The following GRB10 variants were observed in gnomAD, a reference collection of about 807,000 sequenced individuals.
GRB10 encodes the protein growth factor receptor bound protein 10.
Under a neutral mutation model 80.9 loss-of-function variants are expected in GRB10, and 20 were observed. That is an observed-to-expected ratio of 0.25 (90% CI 0.17 to 0.36). The LOEUF (loss-of-function observed/expected upper bound fraction) is 0.36. Ranked by LOEUF, GRB10 falls within the 10% of genes least tolerant of loss-of-function variation. The pLI, the probability that GRB10 is intolerant of heterozygous loss-of-function variation, is 1.00. For synonymous variants in GRB10, 291 were observed against 291.5 expected (o/e 1.00, Z 0.02); for missense variants, 548 against 747.7 (o/e 0.73, Z 3.12).
chr7:50,637,196 C>T (rs773478348), intron 7 of GRB10, among the ~76,000 whole-genome samples: 4 of 152,094 alleles, frequency 2.6e-5, no homozygotes, highest in Non-Finnish European at 4.4e-5. Context: ...AGGCTGGTCT[C>T]GAACTCCTGG....
At chr7:50,671,972 T>C (rs945753536) in intron 6 of GRB10, among the ~76,000 whole-genome samples, 1 of 152,214 alleles carries the variant, frequency 6.6e-6, no homozygotes, top group Non-Finnish European at 1.5e-5. Flanking sequence ...TGGCAGGAAC[T>C]GCAGAGCTGA....
chr7:50,612,650 A>G (rs2049774701), intron 13 of GRB10, 91 bp downstream of exon 13: 1 of 813,458 alleles, frequency 1.2e-6, no homozygotes, highest in Non-Finnish European at 2.1e-6. Context: ...AAAAGTTACG[A>G]GCATTTTCCT....
At chr7:50,656,313 T>C (rs949457404) in intron 7 of GRB10, among the ~76,000 whole-genome samples, 4 of 152,162 alleles carry the variant, frequency 2.6e-5, no homozygotes, top group African/African-American at 4.8e-5. Flanking sequence ...TCCTGTGGAC[T>C]TGAGACCATG....
At chr7:50,769,829 C>A (rs2076790709) in intron 2 of GRB10, among the ~76,000 whole-genome samples, 1 of 152,144 alleles carries the variant, frequency 6.6e-6, no homozygotes, top group Admixed American at 6.5e-5. Context: ...CCTTCTTATT[C>A]TCCCGTTGCT....
chr7:50,612,815 T>C lies in GRB10; in HGVS notation c.1120A>G (p.Lys374Glu), dbSNP rs764605949. Residue 374 changes from lysine to glutamate, a missense_variant, in exon 13 of 19, where the codon AAA becomes GAA. Physicochemically the swap from Lys to Glu is moderately conservative, Grantham distance 56. Transcript: ENST00000401949. ...IKPNKVRNET[K>E]ELRLLCAEDE... ...TCTGCACAGAGCAACCTCAGCTCTT[T>C]AGTTTCATTCCTGACTTTGTTTGGC... The C allele has an allele frequency of 1.9e-6, 3 of 1,614,016 alleles. No individual in the cohort carries two copies. Among genetic ancestry groups the C allele is most frequent in the South Asian group, 2.2e-5 (2 of 91,056 alleles).
Position 50,604,437 on chromosome 7 carries a change from A to G in GRB10, c.1390-60T>C, listed in dbSNP as rs41298764. The G allele has an allele frequency of 1.4e-3, 1,907 of 1,406,748 alleles. 1 individual carries two copies. The highest frequency in any genetic ancestry group is 1.7e-3 in the Non-Finnish European group (1,667 of 992,608). The allele number at this position is 1,406,748 out of a possible 1,614,324, so 87.1% of individuals were successfully genotyped here. A position where few individuals can be genotyped will look rare whatever the true frequency, so the allele number is the denominator to read the frequency against. On this transcript the variant is annotated intron_variant, in intron 15 of 18. Transcript: ENST00000401949. ...GCAGACAGACACACCAAGTCACCCA[A>G]TATGTCCAAGCTCATGGCAGGCCAC... is the stretch of plus-strand genomic sequence containing the variant.
chr7:50,633,198 T>C (rs970909030), intron 7 of GRB10, among the ~76,000 whole-genome samples: 1 of 152,188 alleles, frequency 6.6e-6, no homozygotes, highest in African/African-American at 2.4e-5. Context: ...CACCTCCCCA[T>C]TTCTCTGTAG....
At chr7:50,664,563 C>G (rs1030142199) in intron 7 of GRB10, among the ~76,000 whole-genome samples, 2 of 152,206 alleles carry the variant, frequency 1.3e-5, no homozygotes, top group Non-Finnish European at 2.9e-5. Context: ...TTCTGTGGTG[C>G]CCCTCCCTCC....
At chr7:50,596,849 AAATTAG>A in intron 17 of GRB10, among the ~76,000 whole-genome samples, 1 of 152,324 alleles carries the variant, frequency 6.6e-6, no homozygotes, top group East Asian at 1.9e-4. Flanking sequence ...TTTTAATCCT[AAATTAG>A]AATAGCACAA....
intron 7 of GRB10, among the ~76,000 whole-genome samples, chr7:50,664,177 C>G (rs2153631504): frequency 6.6e-6 from 1 of 152,334 alleles, no homozygotes. Context: ...AGCTGACACC[C>G]TCCTCACACA....
intron 3 of GRB10, among the ~76,000 whole-genome samples, chr7:50,732,847 A>G (rs1049654952): frequency 6.6e-6 from 1 of 152,190 alleles, no homozygotes; most frequent in African/African-American, 2.4e-5. Context: ...CCATAGAACA[A>G]ATCGGAATTC....
chr7:50,702,994 T>C (rs919830037), intron 5 of GRB10, among the ~76,000 whole-genome samples: 7 of 152,232 alleles, frequency 4.6e-5, no homozygotes, highest in African/African-American at 1.4e-4. Flanking sequence ...TACTAACAAA[T>C]TGGTACCCTT....
rs187050294 is a variant in GRB10 at position 50,750,243 on chromosome 7, T to C, written c.-47+5644A>G. Among the ~76,000 whole-genome samples the C allele has an allele frequency of 2.6e-3, 403 of 152,338 alleles. 1 individual carries two copies. Among genetic ancestry groups the C allele is most frequent in the Non-Finnish European group, 4.2e-3 (287 of 68,026 alleles). On this transcript the variant is annotated intron_variant, in intron 3 of 18. Coordinates refer to ENST00000401949, the MANE Select transcript of GRB10 (RefSeq NM_001350814.2). The stretch of plus-strand genomic sequence containing the variant: ...GGAGCTGCCAAGGCAGCAAGTTCTT[T>C]GCAAATTTTATCTTCTTTTTTTAAT...
chr7:50,739,837 C>T (rs901892083), intron 3 of GRB10, among the ~76,000 whole-genome samples: 2 of 152,200 alleles, frequency 1.3e-5, no homozygotes, highest in Non-Finnish European at 2.9e-5. Context: ...TGGCCTTTCT[C>T]TTTCTATTCC....
intron 5 of GRB10, among the ~76,000 whole-genome samples, chr7:50,684,031 G>T (rs937427591): frequency 6.6e-6 from 1 of 151,976 alleles, no homozygotes; most frequent in African/African-American, 2.4e-5. Flanking sequence ...ATGGCAGGTG[G>T]GATTTTAAAA....
At chr7:50,694,370 C>A (rs147658418) in intron 5 of GRB10, among the ~76,000 whole-genome samples, 17 of 152,258 alleles carry the variant, frequency 1.1e-4, no homozygotes, top group African/African-American at 3.4e-4. Context: ...CAATCCATCA[C>A]GAGGCCACTG....
rs369436717 is a variant in GRB10 at position 50,605,383 on chromosome 7, G to A, written c.1296C>T (p.Leu432=). 28 of 1,614,064 alleles carry A rather than the reference G, an allele frequency of 1.7e-5. No homozygotes were observed. In the East Asian group the frequency reaches 2.7e-4, roughly 15 times the overall value. Residue 432 remains leucine (L), a synonymous_variant, in exon 15 of 19, where the codon CTC becomes CTT. Transcript: ENST00000401949. ...TPVRSVSENS[L]VAMDFSGQTG... ...TTTGCCCAGAAAAATCCATTGCCAC[G>A]AGGGAGTTCTCGGAGACACTGCGCT...
intron 1 of GRB10, among the ~76,000 whole-genome samples, chr7:50,791,156 T>A (rs1334121563): frequency 6.6e-6 from 1 of 152,338 alleles, no homozygotes; most frequent in Middle Eastern, 3.4e-3. Flanking sequence ...TAGATGACTT[T>A]AGGGGTACAC....
rs192228326 is a variant in GRB10 at position 50,616,101 on chromosome 7, T to C, written c.984+109A>G. ...GCTTATTAAGAAGTTGTCCTGAGCT[T>C]GGAGGAGTCTAAGGTGCATTTAAAA... is the stretch of plus-strand genomic sequence containing the variant. On this transcript the variant is annotated intron_variant, in intron 11 of 18. Transcript: ENST00000401949. 286 of 1,248,168 alleles carry C rather than the reference T, an allele frequency of 2.3e-4. No individual in the cohort carries two copies. In the African/African-American group the frequency reaches 4.0e-3, roughly 18 times the overall value. 77.3% of individuals were successfully genotyped at this position (1,248,168 alleles called of 1,614,324 possible).
Sources: allele counts gnomAD v4.1 joint callset (sites outside exome capture counted in the v4.1 genomes callset), GRCh38; gene constraint gnomAD v4.1.1; transcripts MANE v1.5; gene names NCBI Gene and HGNC (gene_info 2026-07-23, HGNC 2026-07-21).